The following UBAP1 variants were observed in gnomAD, a reference collection of about 807,000 sequenced individuals.
UBAP1 encodes the protein ubiquitin associated protein 1.
In UBAP1, 5 loss-of-function variants were observed where a neutral mutation model predicts 39.0. The observed-to-expected ratio is 0.13, with a 90% CI of 0.07 to 0.27. The LOEUF is 0.27. UBAP1 is among the 10% of genes least tolerant of loss of function. UBAP1 has a pLI of 1.00. For synonymous variants in UBAP1, 211 were observed against 225.1 expected, an observed-to-expected ratio of 0.94 and a Z score of 0.56; for missense variants, 490 against 608.1, an observed-to-expected ratio of 0.81 and a Z score of 2.04.
In UBAP1 at chr9:34,182,724, T is replaced by C. The variant is rs534919659; in HGVS notation, c.-8+3484T>C. 5.3e-5 allele frequency among the ~76,000 whole-genome samples: 8 copies of C among 149,792 alleles called. No homozygotes were observed. In the South Asian group the frequency reaches 1.7e-3, roughly 32 times the overall value. ...TCTTTTCTTTCTCTCTCTTTCTCTCTCTCCTTTCTTTCTTTTCACTCAGTC... is the reference window on the plus strand; with the variant it reads ...TCTTTTCTTTCTCTCTCTTTCTCTCCCTCCTTTCTTTCTTTTCACTCAGTC... On this transcript the variant is annotated intron_variant, in intron 1 of 6. Coordinates refer to ENST00000297661, the MANE Select transcript of UBAP1 (RefSeq NM_016525.5).
intron 3 of UBAP1, among the ~76,000 whole-genome samples, chr9:34,234,742 TCTG>T (rs1480253298): frequency 1.3e-5 from 2 of 152,198 alleles, no homozygotes; most frequent in Non-Finnish European, 2.9e-5. Context: ...TGTAAACACA[TCTG>T]CTGCATTGAC....
At chr9:34,251,020 G>C in intron 6 of UBAP1, 1 of 522,324 alleles carries the variant, frequency 1.9e-6, no homozygotes. Flanking sequence ...AAACTTCTTA[G>C]ATGATTAGGG....
At chr9:34,236,707 G>A (rs1413978388) in intron 3 of UBAP1, among the ~76,000 whole-genome samples, 1 of 151,874 alleles carries the variant, frequency 6.6e-6, no homozygotes, top group East Asian at 1.9e-4. Context: ...CACCTGGGCT[G>A]TTGCAGTAGC....
rs748019630 is a variant in UBAP1 at position 34,249,933 on chromosome 9, T to C, written c.1238T>C (p.Met413Thr). The C allele has an allele frequency of 6.2e-7, 1 of 1,614,082 alleles. No homozygotes were observed. The highest frequency in any genetic ancestry group is 8.5e-7 in the Non-Finnish European group (1 of 1,180,010). The change falls in exon 5 of 7, where the codon ATG becomes ACG. Residue 413 changes from methionine (M) to threonine (T), a missense_variant. Met to Thr is a moderately conservative substitution (Grantham distance 81). Coordinates refer to ENST00000297661, the MANE Select transcript of UBAP1 (RefSeq NM_016525.5). ...TCGTACGAGTGTGTCCTCAGAGCCATGAAGAAGAAAGGAGAGAATATTGAG... is the reference window on the plus strand; with the variant it reads ...TCGTACGAGTGTGTCCTCAGAGCCACGAAGAAGAAAGGAGAGAATATTGAG... Reference protein sequence around the residue: ...GYSYECVLRAMKKKGENIEQI... With the variant: ...GYSYECVLRATKKKGENIEQI...
chr9:34,216,964 A>G (rs1207116429), intron 1 of UBAP1, among the ~76,000 whole-genome samples: 3 of 151,898 alleles, frequency 2.0e-5, no homozygotes, highest in African/African-American at 7.3e-5. Flanking sequence ...TATTCTTCCT[A>G]TGTGATGGTA....
intron 1 of UBAP1, among the ~76,000 whole-genome samples, chr9:34,185,564 G>C (rs1160253821): frequency 6.6e-6 from 1 of 150,582 alleles, no homozygotes; most frequent in Non-Finnish European, 1.5e-5. Flanking sequence ...AAATAATCTC[G>C]GGCGGGTGCT....
Position 34,250,774 on chromosome 9 carries a change from G to A in UBAP1, c.1368+15G>A. The A allele has an allele frequency of 1.9e-6, 3 of 1,605,994 alleles. No homozygotes were observed. Among genetic ancestry groups the A allele is most frequent in the Non-Finnish European group, 2.6e-6 (3 of 1,173,026 alleles). On this transcript the variant is annotated intron_variant, in intron 6 of 6. Transcript: ENST00000297661. Reference sequence around the variant, plus strand: ...CAGAAGAAAAGGTGGGAATCTTCATGTTTCTTGGGAACCCTCTGGAAAAGG... The same window carrying A: ...CAGAAGAAAAGGTGGGAATCTTCATATTTCTTGGGAACCCTCTGGAAAAGG...
In UBAP1 at chr9:34,238,309, T is replaced by A. The variant is rs769723598; in HGVS notation, c.160-2876T>A. On this transcript the variant is annotated intron_variant, in intron 3 of 6. Coordinates refer to ENST00000297661, the MANE Select transcript of UBAP1 (RefSeq NM_016525.5). ...GTTTCTAATTTTCGGCTATTATGAA[T>A]AATGATGCTCTGAACATCTGTAAAC... Among the ~76,000 whole-genome samples the A allele has an allele frequency of 9.9e-5, 15 of 152,264 alleles. 1 individual carries two copies. The South Asian group carries it at 1.0e-3, about 10-fold the overall frequency.
intron 4 of UBAP1, among the ~76,000 whole-genome samples, chr9:34,242,339 G>A (rs1587881423): frequency 2.6e-5 from 4 of 152,170 alleles, no homozygotes; most frequent in African/African-American, 2.4e-5. Context: ...GTAGAGATGC[G>A]GTTTTGACAC....
intron 1 of UBAP1, among the ~76,000 whole-genome samples, chr9:34,195,926 G>GTTTT (rs1491276146): frequency 2.3e-5 from 1 of 42,570 alleles, no homozygotes; most frequent in South Asian, 9.3e-4. Flanking sequence ...CAAATTTTTT[G>GTTTT]GTTTTTTTTT....
At chr9:34,204,864 G>A (rs538360230) in intron 1 of UBAP1, among the ~76,000 whole-genome samples, 1 of 152,180 alleles carries the variant, frequency 6.6e-6, no homozygotes, top group South Asian at 2.1e-4. Context: ...TCTTTATTCA[G>A]TTGCAAGAAT....
At chr9:34,189,913 G>A (rs560295177) in intron 1 of UBAP1, among the ~76,000 whole-genome samples, 134 of 152,270 alleles carry the variant, frequency 8.8e-4, no homozygotes, top group African/African-American at 3.0e-3. Context: ...TGGGATTACA[G>A]GTGTGAGCCA....
intron 2 of UBAP1, among the ~76,000 whole-genome samples, chr9:34,233,473 T>C (rs2131606351): frequency 6.6e-6 from 1 of 152,250 alleles, no homozygotes; most frequent in South Asian, 2.1e-4. Context: ...ATGATTTTTT[T>C]CTAAAGTAGA....
rs187748324 is a variant in UBAP1, at chr9:34,218,877, C to T, written c.-7-2031C>T. ...GTTTGAACCTGGGAGGCAGAGGTTG[C>T]AATAAAGATTGTGCCACTGCACTCC... On this transcript the variant is annotated intron_variant, in intron 1 of 6. Transcript: ENST00000297661. 2.9e-3 allele frequency among the ~76,000 whole-genome samples: 444 copies of T among 152,116 alleles called. 3 individuals are homozygous for T. Among genetic ancestry groups the T allele is most frequent in the Admixed American group, 0.026 (404 of 15,278 alleles).
At chr9:34,184,327 T>TA (rs140419963) in intron 1 of UBAP1, among the ~76,000 whole-genome samples, 4,081 of 151,862 alleles carry the variant, frequency 0.027, 185 homozygotes, top group African/African-American at 0.093. Context: ...TCTTTCCTTT[T>TA]TTTTTTAGAT....
intron 2 of UBAP1, chr9:34,224,502 C>T (rs1832944018): frequency 2.6e-6 from 1 of 389,426 alleles, no homozygotes; most frequent in Non-Finnish European, 4.8e-6. Context: ...ACTGTGTGGA[C>T]GTGGCAGGGG....
At chr9:34,246,983 C>A (rs767275255) in intron 4 of UBAP1, among the ~76,000 whole-genome samples, 1 of 152,156 alleles carries the variant, frequency 6.6e-6, no homozygotes, top group Non-Finnish European at 1.5e-5. Context: ...TCAACCTTTG[C>A]CCCTGCAGGA....
intron 4 of UBAP1, among the ~76,000 whole-genome samples, chr9:34,249,198 G>A (rs1261123286): frequency 6.6e-6 from 1 of 152,088 alleles, no homozygotes; most frequent in Admixed American, 6.6e-5. Flanking sequence ...ACATGATGTA[G>A]GGCAAAGGTG....
chr9:34,221,371 T>C (rs1419941630), intron 2 of UBAP1, among the ~76,000 whole-genome samples: 1 of 151,778 alleles, frequency 6.6e-6, no homozygotes, highest in Non-Finnish European at 1.5e-5. Flanking sequence ...CTACTAAAAA[T>C]ACAAAAAATT....
Sources: gnomAD v4.1 joint callset for allele counts (sites outside exome capture counted in the v4.1 genomes callset) on GRCh38, gnomAD v4.1.1 for gene constraint, MANE v1.5 for transcripts, NCBI Gene and HGNC (gene_info 2026-07-23, HGNC 2026-07-21) for gene names.